The following WWOX variants were observed in gnomAD, a reference collection of about 807,000 sequenced individuals.
WWOX encodes WW domain-containing oxidoreductase.
WWOX carries 69 observed loss-of-function variants against 46.2 expected under a neutral mutation model. The ratio of observed to expected loss-of-function variants is 1.49; its 90% CI spans 1.23 to 1.82. The LOEUF is 1.82. WWOX is among the 40% of genes most tolerant of loss of function. The pLI is 0.00. For missense variants in WWOX, 919 were observed against 542.6 expected, an observed-to-expected ratio of 1.69 and a Z score of -6.89; for synonymous variants, 359 against 202.6, an observed-to-expected ratio of 1.77 and a Z score of -6.56.
At chr16:78,967,471 T>TG (rs1249847155) in intron 8 of WWOX, among the ~76,000 whole-genome samples, 1 of 146,016 alleles carries the variant, frequency 6.8e-6, no homozygotes, top group Admixed American at 6.8e-5. Context: ...TTTTTTTTTT[T>TG]TTTTTTTTTT....
At chr16:78,330,989 C>G (rs533987097) in intron 5 of WWOX, among the ~76,000 whole-genome samples, 1 of 152,258 alleles carries the variant, frequency 6.6e-6, no homozygotes, top group African/African-American at 2.4e-5. Context: ...TTTATTCAGA[C>G]AGGTGGAAGT....
intron 8 of WWOX, among the ~76,000 whole-genome samples, chr16:79,001,378 G>C (rs1018612876): frequency 1.3e-5 from 2 of 152,080 alleles, no homozygotes; most frequent in African/African-American, 2.4e-5. Context: ...GTTTCTTCTG[G>C]TGGAGCGAAG....
intron 1 of WWOX, 172 bp downstream of exon 1, chr16:78,100,057 C>A (rs1478075750): frequency 1.4e-6 from 2 of 1,405,302 alleles, no homozygotes; most frequent in Admixed American, 3.6e-5. Flanking sequence ...GGGCCGGCCC[C>A]CTTGGTGGGC....
intron 8 of WWOX, among the ~76,000 whole-genome samples, chr16:78,973,094 A>G (rs1212542205): frequency 6.6e-6 from 1 of 152,218 alleles, no homozygotes; most frequent in Non-Finnish European, 1.5e-5. Flanking sequence ...ATGACATCAA[A>G]TTCATGCATT....
chr16:78,600,284 A>G (rs1326814987), intron 8 of WWOX, among the ~76,000 whole-genome samples: 1 of 152,020 alleles, frequency 6.6e-6, no homozygotes, highest in Admixed American at 6.5e-5. Context: ...GCCAAACCAT[A>G]TCACAGGGTC....
At chr16:79,086,529 G>A (rs1301576395) in intron 8 of WWOX, among the ~76,000 whole-genome samples, 1 of 152,182 alleles carries the variant, frequency 6.6e-6, no homozygotes, top group Non-Finnish European at 1.5e-5. Flanking sequence ...AAATTCTAAA[G>A]TAATGAATGC....
chr16:78,935,228 A>G (rs1047144854), intron 8 of WWOX, among the ~76,000 whole-genome samples: 5 of 152,324 alleles, frequency 3.3e-5, no homozygotes, highest in African/African-American at 9.6e-5. Context: ...TAGAAATACC[A>G]TTTGACCCAG....
chr16:78,574,736 A>G (rs915855122), intron 8 of WWOX, among the ~76,000 whole-genome samples: 1 of 151,564 alleles, frequency 6.6e-6, no homozygotes, highest in Non-Finnish European at 1.5e-5. Context: ...AACAATGTGG[A>G]ATCTGAAAAA....
chr16:79,082,982 G>C (rs7199945), intron 8 of WWOX, among the ~76,000 whole-genome samples: 5 of 151,926 alleles, frequency 3.3e-5, no homozygotes, highest in African/African-American at 1.2e-4. Context: ...AGTGGTGTGA[G>C]TGGTTCCCAA....
At chr16:78,158,715 T>C (rs953870497) in intron 4 of WWOX, among the ~76,000 whole-genome samples, 15 of 152,170 alleles carry the variant, frequency 9.9e-5, no homozygotes, top group African/African-American at 3.6e-4. Context: ...TTTTTCATTT[T>C]TAAAAACAAC....
intron 8 of WWOX, among the ~76,000 whole-genome samples, chr16:78,443,308 AAAAC>A (rs917101494): frequency 1.3e-5 from 2 of 151,984 alleles, no homozygotes; most frequent in Non-Finnish European, 2.9e-5. Flanking sequence ...GAAAAACAAA[AAAAC>A]AAAAAAAAAC....
At chr16:78,424,101 T>C (rs1339419688) in intron 6 of WWOX, among the ~76,000 whole-genome samples, 2 of 143,412 alleles carry the variant, frequency 1.4e-5, no homozygotes, top group African/African-American at 2.7e-5. Flanking sequence ...TCTTTTCTTT[T>C]CTTTTCTTTT....
At chr16:78,761,572 G>C (rs1438421066) in intron 8 of WWOX, among the ~76,000 whole-genome samples, 1 of 151,986 alleles carries the variant, frequency 6.6e-6, no homozygotes, top group African/African-American at 2.4e-5. Flanking sequence ...CACAGCTCTT[G>C]ACCTCAGGAC....
intron 5 of WWOX, among the ~76,000 whole-genome samples, chr16:78,187,862 G>A: frequency 6.6e-6 from 1 of 152,180 alleles, no homozygotes; most frequent in East Asian, 1.9e-4. Context: ...CAATTTTAAA[G>A]GAGAAAGGTA....
chr16:78,647,531 C>T (rs989918731), intron 8 of WWOX, among the ~76,000 whole-genome samples: 1 of 152,204 alleles, frequency 6.6e-6, no homozygotes, highest in Admixed American at 6.5e-5. Flanking sequence ...CTGAGGTATG[C>T]TAAGCCTAAT....
chr16:79,117,143 C>T (rs966650855), intron 8 of WWOX, among the ~76,000 whole-genome samples: 3 of 152,088 alleles, frequency 2.0e-5, no homozygotes, highest in Non-Finnish European at 4.4e-5. Context: ...TTCCCAGTAG[C>T]TGGGACTACA....
chr16:79,193,096 A>C (rs1041290854), intron 8 of WWOX, among the ~76,000 whole-genome samples: 2 of 152,222 alleles, frequency 1.3e-5, no homozygotes, highest in African/African-American at 2.4e-5. Context: ...CCCAGGGGCA[A>C]GGCCAGCACT....
intron 5 of WWOX, among the ~76,000 whole-genome samples, chr16:78,175,299 C>T (rs191975983): frequency 6.6e-6 from 1 of 152,182 alleles, no homozygotes; most frequent in Non-Finnish European, 1.5e-5. Context: ...TCTGAAGACC[C>T]TGTAAAAGGA....
chr16:78,723,497 G>C (rs1172023486), intron 8 of WWOX, among the ~76,000 whole-genome samples: 1 of 114,044 alleles, frequency 8.8e-6, no homozygotes, highest in African/African-American at 3.6e-5. Context: ...TCTCTTTCCA[G>C]CCTCATCTTC....
Sources: gnomAD v4.1 joint callset for allele counts (sites outside exome capture counted in the v4.1 genomes callset) on GRCh38, gnomAD v4.1.1 for gene constraint, MANE v1.5 for transcripts, NCBI Gene and HGNC (gene_info 2026-07-23, HGNC 2026-07-21) for gene names.